The following DNAJC27 variants were observed in gnomAD, a reference collection of about 807,000 sequenced individuals.
DNAJC27 encodes the protein dnaJ homolog subfamily C member 27.
A neutral mutation model predicts 31.4 loss-of-function variants in DNAJC27; 25 were observed. The observed-to-expected ratio is 0.80, with a 90% CI of 0.58 to 1.11. The LOEUF (loss-of-function observed/expected upper bound fraction) is 1.11. Ranked by LOEUF, DNAJC27 falls within the 50% of genes most tolerant of loss-of-function variation. The probability of loss-of-function intolerance (pLI) is 0.00; values close to 1 mark genes in which losing one functional copy is unlikely to be tolerated. For missense variants in DNAJC27, 356 were observed against 347.3 expected, an observed-to-expected ratio of 1.02 and a Z score of -0.20; for synonymous variants, 106 against 112.7, an observed-to-expected ratio of 0.94 and a Z score of 0.37.
In DNAJC27 at chr2:24,957,956, T is replaced by C. The variant is rs969462392; in HGVS notation, c.259A>G (p.Lys87Glu). The part of the protein sequence containing the change: ...FFYEVRNEFY[K>E]DTQGVILVYD... ...ACCAGTATCACACCCTGTGTGTCCT[T>C]GTAAAACTCATTTCGAACCTTCAAA... The change falls in exon 4 of 7, where the codon AAG becomes GAG. Residue 87 changes from lysine (K) to glutamate (E), a missense_variant. By Grantham distance (56) the Lys-to-Glu change is moderately conservative (BLOSUM62 1). Coordinates refer to ENST00000264711, the MANE Select transcript of DNAJC27 (RefSeq NM_016544.3). 6.2e-7 allele frequency: 1 copy of C among 1,610,334 alleles called. No homozygotes were observed. Among genetic ancestry groups the C allele is most frequent in the East Asian group, 2.2e-5 (1 of 44,858 alleles).
At chr2:24,953,292 A>G (rs979162325) in intron 5 of DNAJC27, among the ~76,000 whole-genome samples, 1 of 152,132 alleles carries the variant, frequency 6.6e-6, no homozygotes, top group Non-Finnish European at 1.5e-5. Context: ...GATGTCTAGT[A>G]TTAGCTAATC....
chr2:24,963,285 C>T lies in DNAJC27; in HGVS notation c.240+120G>A, dbSNP rs138926300. ...CAAGGCTCTGAAGGCAAGCCACGAT[C>T]AAGCTAAAATTATGCAATTTTACAC... On this transcript the variant is annotated intron_variant, in intron 3 of 6. Transcript: ENST00000264711. The T allele has an allele frequency of 2.9e-4, 193 of 670,932 alleles. 1 individual carries two copies. In the African/African-American group the frequency reaches 3.1e-3, roughly 11 times the overall value. 41.6% of individuals were successfully genotyped at this position (670,932 alleles called of 1,614,324 possible). A position where few individuals can be genotyped will look rare whatever the true frequency, so the allele number is the denominator to read the frequency against.
Position 24,944,210 on chromosome 2 carries a change from T to A in DNAJC27, c.*3406A>T, listed in dbSNP as rs1199207334. ...AGTGGCAAAGGAGGTGACATTCCCA[T>A]GCCTAGTGGAATTAGTTGTAAGACG... On this transcript the variant is annotated 3_prime_UTR_variant, in exon 7 of 7. Transcript: ENST00000264711. The A allele has an allele frequency of 1.3e-5, 2 of 152,210 alleles. No homozygotes were observed. Among genetic ancestry groups the A allele is most frequent in the Non-Finnish European group, 2.9e-5 (2 of 68,042 alleles). The allele number at this position is 152,210 out of a possible 1,614,324, so 9.4% of individuals were successfully genotyped here.
intron 1 of DNAJC27, among the ~76,000 whole-genome samples, chr2:24,969,901 T>C (rs1354954896): frequency 6.6e-6 from 1 of 152,098 alleles, no homozygotes. Flanking sequence ...TGTATTATGT[T>C]CTGGGAAAAA....
In DNAJC27 at chr2:24,946,712, G is replaced by A. The variant is rs536004081; in HGVS notation, c.*904C>T. 2 of 150,938 alleles carry A rather than the reference G, an allele frequency of 1.3e-5. No individual in the cohort carries two copies. The highest frequency in any genetic ancestry group is 4.2e-4 in the South Asian group (2 of 4,768). The allele number at this position is 150,938 out of a possible 1,614,324, so 9.3% of individuals were successfully genotyped here. The stretch of plus-strand genomic sequence containing the variant: ...TCTTTAAGAGACAAGATCTTACTAT[G>A]TTGCCCAGGTGGGACTTGAGCTCCT... On this transcript the variant is annotated 3_prime_UTR_variant, in exon 7 of 7. Coordinates refer to ENST00000264711, the MANE Select transcript of DNAJC27 (RefSeq NM_016544.3).
chr2:24,947,694 T>C lies in DNAJC27; in HGVS notation c.744A>G (p.Lys248=), dbSNP rs766960530. The C allele has an allele frequency of 1.3e-4, 209 of 1,613,702 alleles. No homozygotes were observed. The highest frequency in any genetic ancestry group is 1.3e-4 in the Non-Finnish European group (158 of 1,179,730). ...CATCTTCACTGCCAGGTGCTACACA[T>C]TTGTCAGGGTGAAGAAGCACAGCAA... ...RKLAVLLHPD[K]CVAPGSEDAF... is the part of the protein sequence containing the mutation. Residue 248 remains lysine (K), a synonymous_variant, in exon 7 of 7, where the codon AAA becomes AAG. Coordinates refer to ENST00000264711, the MANE Select transcript of DNAJC27 (RefSeq NM_016544.3).
chr2:24,963,364 A>C (rs1404509354), intron 3 of DNAJC27, 41 bp downstream of exon 3: 1 of 1,521,044 alleles, frequency 6.6e-7, no homozygotes, highest in Non-Finnish European at 9.1e-7. Flanking sequence ...CCAAACCACC[A>C]ACAATACTGG....
chr2:24,960,834 A>G (rs1026325534), intron 3 of DNAJC27, among the ~76,000 whole-genome samples: 3 of 152,244 alleles, frequency 2.0e-5, no homozygotes, highest in Admixed American at 6.5e-5. Flanking sequence ...CATGAGGTTT[A>G]GGGAAAGAAG....
chr2:24,969,761 G>A (rs951522831), intron 1 of DNAJC27, among the ~76,000 whole-genome samples: 1 of 152,206 alleles, frequency 6.6e-6, no homozygotes, highest in African/African-American at 2.4e-5. Context: ...TTACAGGCGT[G>A]AGCCACTGCG....
In DNAJC27 at chr2:24,963,396, C is replaced by T. The variant is rs770627067; in HGVS notation, c.240+9G>A. 6.8e-6 allele frequency: 11 copies of T among 1,611,942 alleles called. No homozygotes were observed. The highest frequency in any genetic ancestry group is 4.5e-5 in the East Asian group (2 of 44,836). ...CTGGATATAGGTTTTGTCAAAAAGG[C>T]TTTCTTACCTCATAGAAGAAGGGAT... On this transcript the variant is annotated intron_variant, in intron 3 of 6. Transcript: ENST00000264711.
At chr2:24,951,292 G>T in intron 6 of DNAJC27, 102 bp downstream of exon 6, 2 of 1,176,334 alleles carry the variant, frequency 1.7e-6, no homozygotes, top group Non-Finnish European at 2.4e-6. Flanking sequence ...ATACATCTTC[G>T]TATTTCCAGC....
At chr2:24,956,835 T>C (rs1361637930) in intron 5 of DNAJC27, among the ~76,000 whole-genome samples, 1 of 152,194 alleles carries the variant, frequency 6.6e-6, no homozygotes, top group Non-Finnish European at 1.5e-5. Flanking sequence ...CTAAGTCTCA[T>C]CTAAAATAGA....
intron 5 of DNAJC27, chr2:24,953,741 T>A: frequency 4.6e-5 from 7 of 152,576 alleles, no homozygotes; most frequent in Non-Finnish European, 8.7e-5. Flanking sequence ...GAAATATGAA[T>A]ATTCATAGAT....
In DNAJC27 at chr2:24,959,004, G is replaced by C. The variant is rs544424248; in HGVS notation, c.241-1030C>G. 2.0e-5 allele frequency among the ~76,000 whole-genome samples: 3 copies of C among 152,230 alleles called. No homozygotes were observed. In the East Asian group the frequency reaches 5.8e-4, roughly 29 times the overall value. ...GTTTCTGGGCATAGGCAGATATCTG[G>C]ACCAAGGATATTAAGTGCTCCTATT... On this transcript the variant is annotated intron_variant, in intron 3 of 6. Transcript: ENST00000264711.
At chr2:24,967,593 G>A (rs1206521253) in intron 1 of DNAJC27, among the ~76,000 whole-genome samples, 2 of 151,954 alleles carry the variant, frequency 1.3e-5, no homozygotes, top group East Asian at 1.9e-4. Context: ...CCAGCTACTC[G>A]GGAAGCTGAG....
At position 24,957,855 on chromosome 2, in the gene DNAJC27, AG is replaced by A; in HGVS notation, c.359del (p.Pro120LeufsTer11). ...WLAEMKQELG[P>X]HGNMENIIFV... Reference sequence around the variant, plus strand: ...ATATAATATTTTCCATGTTTCCATGAGGTCCAAGCTCTTGCTTCATTTCTGC... The same window carrying A: ...ATATAATATTTTCCATGTTTCCATGAGTCCAAGCTCTTGCTTCATTTCTGC... On this transcript the variant is annotated frameshift_variant, in exon 4 of 7. Coordinates refer to ENST00000264711, the MANE Select transcript of DNAJC27 (RefSeq NM_016544.3). LOFTEE classifies it high-confidence loss of function. 6.2e-7 allele frequency: 1 copy of A among 1,614,200 alleles called. No individual in the cohort carries two copies. Among genetic ancestry groups the A allele is most frequent in the Non-Finnish European group, 8.5e-7 (1 of 1,180,014 alleles).
At chr2:24,954,372 TCTA>T (rs1665854332) in intron 5 of DNAJC27, among the ~76,000 whole-genome samples, 1 of 152,154 alleles carries the variant, frequency 6.6e-6, no homozygotes, top group African/African-American at 2.4e-5. Flanking sequence ...TGCCCCACCA[TCTA>T]CTGAGGCACC....
intron 6 of DNAJC27, among the ~76,000 whole-genome samples, chr2:24,950,016 T>C (rs1665729667): frequency 6.8e-6 from 1 of 148,114 alleles, no homozygotes; most frequent in South Asian, 2.1e-4. Context: ...TCAAATAATC[T>C]TGAAAAAAAA....
In DNAJC27 at chr2:24,947,499, A is replaced by G; in HGVS notation, c.*117T>C. The G allele has an allele frequency of 7.9e-7, 1 of 1,263,802 alleles. No individual in the cohort carries two copies. 78.3% of individuals were successfully genotyped at this position (1,263,802 alleles called of 1,614,324 possible). A position where few individuals can be genotyped will look rare whatever the true frequency, so the allele number is the denominator to read the frequency against. On this transcript the variant is annotated 3_prime_UTR_variant, in exon 7 of 7. Coordinates refer to ENST00000264711, the MANE Select transcript of DNAJC27 (RefSeq NM_016544.3). ...CTGAATTACTGATATACAAATGACA[A>G]CACATGAATGAAAAGAGCAGTGAGA...
Sources: gnomAD v4.1 joint callset for allele counts (sites outside exome capture counted in the v4.1 genomes callset) on GRCh38, gnomAD v4.1.1 for gene constraint, MANE v1.5 for transcripts, NCBI Gene and HGNC (gene_info 2026-07-23, HGNC 2026-07-21) for gene names.